The following HTRA4 variants were observed in gnomAD, a reference collection of about 807,000 sequenced individuals.
HTRA4 encodes serine protease HTRA4.
A neutral mutation model predicts 49.1 loss-of-function variants in HTRA4; 46 were observed. The ratio of observed to expected loss-of-function variants is 0.94; its 90% CI spans 0.74 to 1.20. The LOEUF is 1.20. HTRA4 is among the 50% of genes most tolerant of loss of function. HTRA4 has a pLI of 0.00. For synonymous variants in HTRA4, 261 were observed against 264.0 expected, an observed-to-expected ratio of 0.99 and a Z score of 0.11; for missense variants, 602 against 636.9, an observed-to-expected ratio of 0.95 and a Z score of 0.59.
In HTRA4 at chr8:38,980,704, C is replaced by T. The variant is rs540611593; in HGVS notation, c.1000-949C>T. On this transcript the variant is annotated intron_variant, in intron 5 of 8. Transcript: ENST00000302495. ...AATGAGCCAAGGTTGCACCAATGCA[C>T]TCCAGCCTGGGCAACACAGTGAGAC... Among the ~76,000 whole-genome samples, 7 of 151,582 alleles carry T rather than the reference C, an allele frequency of 4.6e-5. No individual in the cohort carries two copies. The South Asian group carries it at 1.5e-3, about 32-fold the overall frequency.
intron 8 of HTRA4, among the ~76,000 whole-genome samples, chr8:38,987,701 T>C (rs1835500521): frequency 6.6e-6 from 1 of 152,200 alleles, no homozygotes; most frequent in African/African-American, 2.4e-5. Context: ...TCTCACATGA[T>C]TCTGATAGGA....
rs376879603 is a variant in HTRA4 at position 38,982,999 on chromosome 8, A to G, written c.1219A>G (p.Ser407Gly). ...KMHYPDFPDV[S>G]SGVYVCKVVE... ...GCATTATCCAGATTTCCCTGATGTG[A>G]GTTCTGGGGTTTATGTATGTAAAGT... Residue 407 changes from serine (S) to glycine (G), a missense_variant, in exon 8 of 9, where the codon AGT becomes GGT. Ser to Gly is a moderately conservative substitution (Grantham distance 56). Coordinates refer to ENST00000302495, the MANE Select transcript of HTRA4 (RefSeq NM_153692.4). 6 of 1,613,892 alleles carry G rather than the reference A, an allele frequency of 3.7e-6. No individual in the cohort carries two copies. The highest frequency in any genetic ancestry group is 5.1e-6 in the Non-Finnish European group (6 of 1,179,820).
At chr8:38,983,624 T>G (rs1005154293) in intron 8 of HTRA4, among the ~76,000 whole-genome samples, 1 of 152,170 alleles carries the variant, frequency 6.6e-6, no homozygotes, top group African/African-American at 2.4e-5. Context: ...AAATAACTAT[T>G]TTAAAAATAT....
chr8:38,982,609 C>G, intron 7 of HTRA4, 54 bp downstream of exon 7: 1 of 1,532,972 alleles, frequency 6.5e-7, no homozygotes, highest in Non-Finnish European at 9.0e-7. Context: ...AAAACCATAG[C>G]TGCACAGTCT....
rs552596319 is a variant in HTRA4 at position 38,984,931 on chromosome 8, C to CA, written c.1268+1892dup. Among the ~76,000 whole-genome samples the CA allele has an allele frequency of 4.0e-3, 595 of 149,124 alleles. 1 individual carries two copies. Among genetic ancestry groups the CA allele is most frequent in the South Asian group, 0.013 (58 of 4,634 alleles). ...ACCCTGTCTCAAACAAACAAACAAG[C>CA]AAAAAAAAACTACACCAAAACCTCA... On this transcript the variant is annotated intron_variant, in intron 8 of 8. Coordinates refer to ENST00000302495, the MANE Select transcript of HTRA4 (RefSeq NM_153692.4).
At position 38,974,470 on chromosome 8, in the gene HTRA4, C is replaced by G; in HGVS notation, c.207C>G (p.Cys69Trp). Residue 69 changes from cysteine (C) to tryptophan (W), a missense_variant, in exon 1 of 9, where the codon TGC becomes TGG. Physicochemically the swap from Cys to Trp is radical, Grantham distance 215. Coordinates refer to ENST00000302495, the MANE Select transcript of HTRA4 (RefSeq NM_153692.4). ...CGGTGTTCGACCTGTGCCGCTGTTGCCGCGTCTGCCCCGCGGCCGAGCGTG... is the reference window on the plus strand; with the variant it reads ...CGGTGTTCGACCTGTGCCGCTGTTGGCGCGTCTGCCCCGCGGCCGAGCGTG... ...TTPVFDLCRC[C>W]RVCPAAEREV... 1 of 1,528,294 alleles carries G rather than the reference C, an allele frequency of 6.5e-7. No individual in the cohort carries two copies. Among genetic ancestry groups the G allele is most frequent in the Non-Finnish European group, 8.7e-7 (1 of 1,143,536 alleles). The allele number at this position is 1,528,294 out of a possible 1,614,324, so 94.7% of individuals were successfully genotyped here. A position where few individuals can be genotyped will look rare whatever the true frequency, so the allele number is the denominator to read the frequency against.
chr8:38,975,160 T>C, intron 2 of HTRA4, 30 bp downstream of exon 2: 4 of 1,599,952 alleles, frequency 2.5e-6, no homozygotes, highest in Non-Finnish European at 3.4e-6. Context: ...ACCTCCACTG[T>C]CCCAGCTAAT....
At position 38,987,947 on chromosome 8, in the gene HTRA4, G is replaced by T; in HGVS notation, c.1280G>T (p.Arg427Ile). The change falls in exon 9 of 9, where the codon AGA (arginine) becomes ATA (isoleucine). Residue 427 changes from arginine (R) to isoleucine (I), a missense_variant. Arg to Ile is a moderately conservative substitution (Grantham distance 97). Coordinates refer to ENST00000302495, the MANE Select transcript of HTRA4 (RefSeq NM_153692.4). ...TCTCCCTCTCTCAGCTCTGGATTGA[G>T]AGATCACGATGTAATTGTCAACATA... ...EGTAAQSSGLRDHDVIVNING... is the reference protein window; with the variant it reads ...EGTAAQSSGLIDHDVIVNING... 1 of 1,591,554 alleles carries T rather than the reference G, an allele frequency of 6.3e-7. No individual in the cohort carries two copies. The highest frequency in any genetic ancestry group is 1.2e-5 in the South Asian group (1 of 85,774).
At position 38,987,956 on chromosome 8, in the gene HTRA4, A is replaced by T. The variant is rs374401682; in HGVS notation, c.1289A>T (p.Asp430Val). Residue 430 changes from aspartate to valine, a missense_variant, in exon 9 of 9, where the codon GAT becomes GTT. Physicochemically the swap from Asp to Val is radical, Grantham distance 152. Transcript: ENST00000302495. The part of the protein sequence containing the change: ...AAQSSGLRDH[D>V]VIVNINGKPI... Reference sequence around the variant, plus strand: ...CTCAGCTCTGGATTGAGAGATCACGATGTAATTGTCAACATAAATGGGAAA... The same window carrying T: ...CTCAGCTCTGGATTGAGAGATCACGTTGTAATTGTCAACATAAATGGGAAA... 1 of 1,600,194 alleles carries T rather than the reference A, an allele frequency of 6.2e-7. No homozygotes were observed. Among genetic ancestry groups the T allele is most frequent in the African/African-American group, 1.3e-5 (1 of 74,076 alleles).
chr8:38,977,855 A>T, intron 3 of HTRA4, 98 bp from the exon 4 acceptor site: 1 of 1,241,126 alleles, frequency 8.1e-7, no homozygotes, highest in Non-Finnish European at 1.1e-6. Flanking sequence ...TGATAGAGAC[A>T]GCGTCATATA....
At chr8:38,978,966 C>T (rs978686107) in intron 4 of HTRA4, among the ~76,000 whole-genome samples, 1 of 148,116 alleles carries the variant, frequency 6.8e-6, no homozygotes, top group African/African-American at 2.5e-5. Context: ...TGCATTCCAG[C>T]CTGGGCAACA....
chr8:38,979,110 C>G (rs1167683805), intron 4 of HTRA4, 105 bp from the exon 5 acceptor site: 1 of 1,038,544 alleles, frequency 9.6e-7, no homozygotes, highest in East Asian at 2.4e-5. Flanking sequence ...GGAATAGGAG[C>G]TTGGTGGGCT....
intron 8 of HTRA4, among the ~76,000 whole-genome samples, chr8:38,987,185 C>T (rs1835491930): frequency 6.6e-6 from 1 of 152,172 alleles, no homozygotes; most frequent in Admixed American, 6.5e-5. Context: ...GTGGTGTCTC[C>T]TGGAGTCATT....
chr8:38,980,153 G>C (rs1835400732), intron 5 of HTRA4, among the ~76,000 whole-genome samples: 1 of 152,142 alleles, frequency 6.6e-6, no homozygotes, highest in African/African-American at 2.4e-5. Flanking sequence ...ACCTAAGAGA[G>C]TGCAATGCTG....
At chr8:38,984,780 C>T (rs563562741) in intron 8 of HTRA4, among the ~76,000 whole-genome samples, 38 of 152,042 alleles carry the variant, frequency 2.5e-4, no homozygotes, top group African/African-American at 6.7e-4. Flanking sequence ...AAAAATTAGC[C>T]AGGTGTGGTG....
intron 5 of HTRA4, among the ~76,000 whole-genome samples, chr8:38,980,233 T>C (rs1835401434): frequency 6.6e-6 from 1 of 152,192 alleles, no homozygotes; most frequent in African/African-American, 2.4e-5. Context: ...CCTGTTTAAA[T>C]ATTACATTTG....
chr8:38,975,101 A>G lies in HTRA4; in HGVS notation c.537A>G (p.Pro179=), dbSNP rs778758268. The G allele has an allele frequency of 1.2e-6, 2 of 1,613,866 alleles. No individual in the cohort carries two copies. The highest frequency in any genetic ancestry group is 3.3e-5 in the Admixed American group (2 of 60,014). Reference sequence around the variant, plus strand: ...CCGCGGTGGTGGAGAAGGTGGCGCCATCGGTGGTTCACGTGCAGCTGTGGG... The same window carrying G: ...CCGCGGTGGTGGAGAAGGTGGCGCCGTCGGTGGTTCACGTGCAGCTGTGGG... ...FIAAVVEKVA[P]SVVHVQLWGR... is the part of the protein sequence containing the mutation. Residue 179 remains proline, a synonymous_variant, in exon 2 of 9, where the codon CCA becomes CCG. Transcript: ENST00000302495.
In HTRA4 at chr8:38,974,587, C is replaced by A. The variant is rs957361625; in HGVS notation, c.324C>A (p.Cys108Ter). 1.3e-5 allele frequency: 19 copies of A among 1,425,112 alleles called. No homozygotes were observed. Among genetic ancestry groups the A allele is most frequent in the African/African-American group, 3.0e-5 (2 of 66,744 alleles). 88.3% of individuals were successfully genotyped at this position (1,425,112 alleles called of 1,614,324 possible). The change falls in exon 1 of 9, where the codon TGC becomes TGA. Residue 108 changes from cysteine to a stop codon, truncating the protein, a stop_gained. Coordinates refer to ENST00000302495, the MANE Select transcript of HTRA4 (RefSeq NM_153692.4). LOFTEE classifies it high-confidence loss of function. Reference protein sequence around the residue: ...LRPGFPSTCGCPTLGGAVCGS... With the variant: ...LRPGFPSTCG ...CCGGGTTCCCCAGCACCTGCGGTTG[C>A]CCGACGCTGGGAGGGGCCGTGTGCG...
rs1364740242 is a variant in HTRA4 at position 38,976,675 on chromosome 8, A to T, written c.707A>T (p.Tyr236Phe). Reference sequence around the variant, plus strand: ...GTGGTGCTCCAGAATGGGGCCCGTTATGAAGCTGTTGTCAAGGATATTGAC... The same window carrying T: ...GTGGTGCTCCAGAATGGGGCCCGTTTTGAAGCTGTTGTCAAGGATATTGAC... ...IEVVLQNGAR[Y>F]EAVVKDIDLK... is the part of the protein sequence containing the mutation. The change falls in exon 3 of 9, where the codon TAT becomes TTT. Residue 236 changes from tyrosine to phenylalanine, a missense_variant. Coordinates refer to ENST00000302495, the MANE Select transcript of HTRA4 (RefSeq NM_153692.4). The T allele has an allele frequency of 6.2e-7, 1 of 1,614,056 alleles. No homozygotes were observed. The highest frequency in any genetic ancestry group is 8.5e-7 in the Non-Finnish European group (1 of 1,180,046).
Sources: gnomAD v4.1 joint callset for allele counts (sites outside exome capture counted in the v4.1 genomes callset) on GRCh38, gnomAD v4.1.1 for gene constraint, MANE v1.5 for transcripts, NCBI Gene and HGNC (gene_info 2026-07-23, HGNC 2026-07-21) for gene names.